ATP5MJ: variants seen among roughly 807,000 people sequenced by gnomAD.
The protein encoded by ATP5MJ is ATP synthase membrane subunit j.
ATP5MJ carries 4 observed loss-of-function variants against 8.3 expected under a neutral mutation model. The ratio of observed to expected loss-of-function variants is 0.48; its 90% CI spans 0.24 to 1.11. The LOEUF (loss-of-function observed/expected upper bound fraction) is 1.11. Ranked by LOEUF, ATP5MJ falls within the 50% of genes least tolerant of loss-of-function variation. The pLI, the probability that ATP5MJ is intolerant of heterozygous loss-of-function variation, is 0.18. For missense variants in ATP5MJ, 66 were observed against 71.8 expected, an observed-to-expected ratio of 0.92 and a Z score of 0.29; for synonymous variants, 23 against 21.3, an observed-to-expected ratio of 1.08 and a Z score of -0.23.
chr14:103,914,397 A>C (rs1487270257), intron 2 of ATP5MJ: 1 of 561,208 alleles, frequency 1.8e-6, no homozygotes, highest in Non-Finnish European at 3.2e-6. Flanking sequence ...AATACCACAT[A>C]CCATGAACCC....
rs550320341 is a variant in ATP5MJ, at chr14:103,914,589, C to T, written c.124+477G>A. The T allele has an allele frequency of 1.1e-4, 74 of 677,864 alleles. No homozygotes were observed. The African/African-American group carries it at 1.1e-3, about 10-fold the overall frequency. 42.0% of individuals were successfully genotyped at this position (677,864 alleles called of 1,614,324 possible). On this transcript the variant is annotated intron_variant, in intron 2 of 3. Coordinates refer to ENST00000286953, the MANE Select transcript of ATP5MJ (RefSeq NM_004894.3). ...GCCAAGATTGGAGGACTGCTTGAGC[C>T]CAGGAGTTCAAGACCAGCCTGGGTA...
chr14:103,920,052 C>G (rs942469390), intron 1 of ATP5MJ, among the ~76,000 whole-genome samples: 10 of 151,790 alleles, frequency 6.6e-5, no homozygotes, highest in African/African-American at 2.4e-4. Context: ...GTCTCGGTCT[C>G]TTAACCTCGT....
intron 1 of ATP5MJ, among the ~76,000 whole-genome samples, chr14:103,919,814 A>G (rs2087658192): frequency 6.6e-6 from 1 of 151,466 alleles, no homozygotes. Context: ...TTCCCAATAC[A>G]TAATAAAACG....
At position 103,921,083 on chromosome 14, in the gene ATP5MJ, C is replaced by G. The variant is rs557325259; in HGVS notation, c.-1+387G>C. Reference sequence around the variant, plus strand: ...TGGAGGGCAGTGTGGCGCAAGGAAACTTGAGTTATAAAGGAGAGAAGGGAC... The same window carrying G: ...TGGAGGGCAGTGTGGCGCAAGGAAAGTTGAGTTATAAAGGAGAGAAGGGAC... On this transcript the variant is annotated intron_variant, in intron 1 of 3. Coordinates refer to ENST00000286953, the MANE Select transcript of ATP5MJ (RefSeq NM_004894.3). The G allele has an allele frequency of 1.9e-5, 29 of 1,517,532 alleles. No individual in the cohort carries two copies. In the East Asian group the frequency reaches 6.4e-4, roughly 33 times the overall value. The allele number at this position is 1,517,532 out of a possible 1,614,324, so 94.0% of individuals were successfully genotyped here.
rs1397913904 is a variant in ATP5MJ, at chr14:103,914,846, A to G, written c.124+220T>C. On this transcript the variant is annotated intron_variant, in intron 2 of 3. Transcript: ENST00000286953. The stretch of plus-strand genomic sequence containing the variant: ...AGTGAGAGACTGTCTCCAAAAAAAA[A>G]AAAAAAAAAAAGAAAAGAAAAGAAA... 1.4e-5 allele frequency: 6 copies of G among 440,432 alleles called. No homozygotes were observed. The Admixed American group carries it at 1.8e-4, about 13-fold the overall frequency. The allele number at this position is 440,432 out of a possible 1,614,324, so 27.3% of individuals were successfully genotyped here.
chr14:103,914,976 A>C (rs2087613598), intron 2 of ATP5MJ, 90 bp downstream of exon 2: 4 of 1,545,854 alleles, frequency 2.6e-6, no homozygotes. Context: ...CCTAGTTAGA[A>C]CCCATAGTTC....
Position 103,921,058 on chromosome 14 carries a change from T to C in ATP5MJ, c.-1+412A>G, listed in dbSNP as rs928634241. Reference sequence around the variant, plus strand: ...CCAAGTTGTCATGTACAGCATAACGTGGAGGGCAGTGTGGCGCAAGGAAAC... The same window carrying C: ...CCAAGTTGTCATGTACAGCATAACGCGGAGGGCAGTGTGGCGCAAGGAAAC... On this transcript the variant is annotated intron_variant, in intron 1 of 3. Transcript: ENST00000286953. The C allele has an allele frequency of 3.9e-6, 6 of 1,549,712 alleles. No homozygotes were observed. The African/African-American group carries it at 8.2e-5, about 21-fold the overall frequency.
intron 1 of ATP5MJ, among the ~76,000 whole-genome samples, chr14:103,918,369 TTC>T: frequency 6.6e-6 from 1 of 151,916 alleles, no homozygotes; most frequent in Admixed American, 6.6e-5. Flanking sequence ...GTTTTTTTTT[TTC>T]TCTTTTTTGA....
intron 1 of ATP5MJ, 186 bp downstream of exon 1, chr14:103,921,284 C>T: frequency 2.4e-6 from 1 of 411,960 alleles, no homozygotes; most frequent in Non-Finnish European, 4.5e-6. Flanking sequence ...CAGGCCTAGG[C>T]GATGCTTCCC....
At chr14:103,913,319 C>CA (rs201166675) in intron 3 of ATP5MJ, 3,272 of 126,772 alleles carry the variant, frequency 0.026, 92 homozygotes, top group African/African-American at 0.076. Flanking sequence ...GACTCTGTCT[C>CA]AAAAAAAAAA....
At chr14:103,914,858 G>GAAAGAAAAAAAAA (rs2087612235) in intron 2 of ATP5MJ, 6 of 329,542 alleles carry the variant, frequency 1.8e-5, no homozygotes, top group Non-Finnish European at 2.5e-5. Context: ...AAAAAAAAAA[G>GAAAGAAAAAAAAA]AAAAGAAAAG....
intron 1 of ATP5MJ, among the ~76,000 whole-genome samples, chr14:103,918,550 C>G (rs1049853438): frequency 6.6e-6 from 1 of 151,822 alleles, no homozygotes; most frequent in African/African-American, 2.4e-5. Flanking sequence ...TTAGTAGAGA[C>G]TTGGTTTCAC....
intron 1 of ATP5MJ, among the ~76,000 whole-genome samples, chr14:103,916,147 A>G (rs1360958323): frequency 6.6e-6 from 1 of 152,230 alleles, no homozygotes; most frequent in African/African-American, 2.4e-5. Context: ...AGGTCACTTC[A>G]TAATAACTGC....
intron 2 of ATP5MJ, chr14:103,914,712 A>G: frequency 1.8e-6 from 1 of 552,432 alleles, no homozygotes; most frequent in South Asian, 2.7e-5. Context: ...CTGTGGTCCT[A>G]GCTACTTGGC....
chr14:103,915,146 G>A lies in ATP5MJ; in HGVS notation c.44C>T (p.Pro15Leu). 1 of 1,613,816 alleles carries A rather than the reference G, an allele frequency of 6.2e-7. No individual in the cohort carries two copies. The highest frequency in any genetic ancestry group is 1.6e-4 in the Middle Eastern group (1 of 6,062). The change falls in exon 2 of 4, where the codon CCC becomes CTC. Residue 15 changes from proline (P) to leucine (L), a missense_variant. Physicochemically the swap from Pro to Leu is moderately conservative, Grantham distance 98. Transcript: ENST00000286953. The part of the protein sequence containing the change: ...IIKNIWIPMK[P>L]YYTKVYQEIW... Reference sequence around the variant, plus strand: ...CTCCTGGTAAACTTTGGTGTAGTAGGGCTTCATGGGGATCCATATGTTTTT... The same window carrying A: ...CTCCTGGTAAACTTTGGTGTAGTAGAGCTTCATGGGGATCCATATGTTTTT...
chr14:103,915,566 C>T (rs532079222), intron 1 of ATP5MJ, among the ~76,000 whole-genome samples: 4 of 151,904 alleles, frequency 2.6e-5, no homozygotes, highest in East Asian at 1.9e-4. Flanking sequence ...AGGCTGGTCT[C>T]GAACTCCTGA....
chr14:103,919,198 C>T (rs917315213), intron 1 of ATP5MJ, among the ~76,000 whole-genome samples: 14 of 151,634 alleles, frequency 9.2e-5, no homozygotes, highest in Non-Finnish European at 2.9e-5. Flanking sequence ...GCCTGGCTAA[C>T]ATGGCGAAAC....
At position 103,913,319 on chromosome 14, in the gene ATP5MJ, C is replaced by CAA. The variant is rs201166675; in HGVS notation, c.149-627_149-626dup. 798 of 127,034 alleles carry CAA rather than the reference C, an allele frequency of 6.3e-3. 4 individuals carry two copies. Among genetic ancestry groups the CAA allele is most frequent in the African/African-American group, 0.022 (745 of 34,510 alleles). The allele number at this position is 127,034 out of a possible 1,614,324, so 7.9% of individuals were successfully genotyped here. ...TGGGCAACACAGCGAGACTCTGTCT[C>CAA]AAAAAAAAAAAAACCCAAAAAACAA... On this transcript the variant is annotated intron_variant, in intron 3 of 3. Coordinates refer to ENST00000286953, the MANE Select transcript of ATP5MJ (RefSeq NM_004894.3).
chr14:103,914,080 G>C (rs979346035), intron 2 of ATP5MJ, 96 bp from the exon 3 acceptor site: 37 of 1,137,752 alleles, frequency 3.3e-5, no homozygotes, highest in Non-Finnish European at 4.5e-5. Flanking sequence ...TTGTAGCTTA[G>C]GTAAAGCAAT....
Sources: gnomAD v4.1 joint callset for allele counts (sites outside exome capture counted in the v4.1 genomes callset) on GRCh38, gnomAD v4.1.1 for gene constraint, MANE v1.5 for transcripts, NCBI Gene and HGNC (gene_info 2026-07-23, HGNC 2026-07-21) for gene names.